The following GABRG1 variants were observed in gnomAD, a reference collection of about 807,000 sequenced individuals.
GABRG1 encodes gamma-aminobutyric acid receptor subunit gamma-1.
A neutral mutation model predicts 49.8 loss-of-function variants in GABRG1; 49 were observed. That is an observed-to-expected ratio of 0.98 (90% CI 0.78 to 1.25). The LOEUF (loss-of-function observed/expected upper bound fraction) is 1.25, where lower values mean the gene tolerates loss of function less well. Ranked by LOEUF, GABRG1 falls within the 50% of genes most tolerant of loss-of-function variation. The pLI, the probability that GABRG1 is intolerant of heterozygous loss-of-function variation, is 0.00. For synonymous variants in GABRG1, 232 were observed against 185.1 expected (o/e 1.25, Z -2.06); for missense variants, 552 against 552.3 (o/e 1.00, Z 0.01).
At chr4:46,118,501 A>G (rs1373318380) in intron 1 of GABRG1, among the ~76,000 whole-genome samples, 2 of 151,094 alleles carry the variant, frequency 1.3e-5, no homozygotes, top group African/African-American at 2.4e-5. Context: ...ACTAGAGTTT[A>G]TGTTCATTGA....
At chr4:46,042,548 C>T (rs537973222) in intron 8 of GABRG1, among the ~76,000 whole-genome samples, 1 of 151,992 alleles carries the variant, frequency 6.6e-6, no homozygotes, top group East Asian at 1.9e-4. Context: ...TTTTCCCATG[C>T]AAATGTTTGT....
intron 1 of GABRG1, among the ~76,000 whole-genome samples, chr4:46,115,087 T>A (rs930866042): frequency 1.3e-5 from 2 of 150,824 alleles, no homozygotes; most frequent in Non-Finnish European, 3.0e-5. Flanking sequence ...GTGTAACAGG[T>A]TAAAACCATT....
chr4:46,063,092 C>T lies in GABRG1; in HGVS notation c.625+1349G>A, dbSNP rs554440754. 1.1e-3 allele frequency among the ~76,000 whole-genome samples: 170 copies of T among 151,342 alleles called. 2 individuals are homozygous for T. In the South Asian group the frequency reaches 0.035, roughly 31 times the overall value. On this transcript the variant is annotated intron_variant, in intron 5 of 8. Transcript: ENST00000295452. ...CAATATCGTGAAAATGGCCATCCTG[C>T]CCAAGGTAATTTATAGATTCAATGC... is the stretch of plus-strand genomic sequence containing the variant.
intron 2 of GABRG1, among the ~76,000 whole-genome samples, chr4:46,084,546 T>C (rs531617268): frequency 2.0e-5 from 3 of 151,654 alleles, no homozygotes; most frequent in Non-Finnish European, 4.4e-5. Flanking sequence ...CAAACTTCAG[T>C]GAAAAACTTG....
Position 46,077,006 on chromosome 4 carries a change from A to T in GABRG1, c.321+6980T>A, listed in dbSNP as rs2109417970. Among the ~76,000 whole-genome samples, 3 of 151,642 alleles carry T rather than the reference A, an allele frequency of 2.0e-5. 1 individual carries two copies. In the South Asian group the frequency reaches 6.3e-4, roughly 32 times the overall value. ...CCACATGTAAAATAATTCATTACTA[A>T]ATAATATGCAACATTTAACGGATTT... On this transcript the variant is annotated intron_variant, in intron 3 of 8. Transcript: ENST00000295452.
At chr4:46,070,937 C>A (rs1719095054) in intron 3 of GABRG1, among the ~76,000 whole-genome samples, 1 of 152,068 alleles carries the variant, frequency 6.6e-6, no homozygotes, top group South Asian at 2.1e-4. Context: ...ACCTTCACAG[C>A]AACATCTGAA....
rs1433907226 is a variant in GABRG1 at position 46,039,974 on chromosome 4, T to C, written c.*1014A>G. The C allele has an allele frequency of 6.6e-6, 1 of 151,874 alleles. No homozygotes were observed. The highest frequency in any genetic ancestry group is 1.5e-5 in the Non-Finnish European group (1 of 67,836). 9.4% of individuals were successfully genotyped at this position (151,874 alleles called of 1,614,324 possible). On this transcript the variant is annotated 3_prime_UTR_variant, in exon 9 of 9. Transcript: ENST00000295452. ...CCTAAAACTGTTTTCTGCATATTAC[T>C]AGTCTAAAAACAATGCTAATAGCAC... is the stretch of plus-strand genomic sequence containing the variant.
intron 8 of GABRG1, among the ~76,000 whole-genome samples, chr4:46,046,949 C>G (rs1021913840): frequency 6.6e-5 from 10 of 152,088 alleles, no homozygotes; most frequent in African/African-American, 2.2e-4. Flanking sequence ...AAAGATTTTG[C>G]ACAACCTGGC....
chr4:46,101,757 A>C (rs1720387279), intron 1 of GABRG1, among the ~76,000 whole-genome samples: 1 of 151,746 alleles, frequency 6.6e-6, no homozygotes, highest in Admixed American at 6.6e-5. Context: ...ATGTTTAAAT[A>C]ATGATTTATT....
In GABRG1 at chr4:46,040,944, G is replaced by A; in HGVS notation, c.*44C>T. Reference sequence around the variant, plus strand: ...TTACTGAAGCACAAAAGATTCTACTGAATTTAGTCAGACTTCTTTTGATTT... The same window carrying A: ...TTACTGAAGCACAAAAGATTCTACTAAATTTAGTCAGACTTCTTTTGATTT... On this transcript the variant is annotated 3_prime_UTR_variant, in exon 9 of 9. Transcript: ENST00000295452. 3.2e-6 allele frequency: 5 copies of A among 1,559,664 alleles called. No individual in the cohort carries two copies. The highest frequency in any genetic ancestry group is 4.3e-6 in the Non-Finnish European group (5 of 1,149,640).
intron 1 of GABRG1, among the ~76,000 whole-genome samples, chr4:46,104,159 T>C (rs1269349864): frequency 6.6e-6 from 1 of 151,492 alleles, no homozygotes; most frequent in Non-Finnish European, 1.5e-5. Context: ...GAAATGATTA[T>C]GATGATTCAA....
chr4:46,047,758 T>G (rs1718059074), intron 8 of GABRG1, among the ~76,000 whole-genome samples: 1 of 152,082 alleles, frequency 6.6e-6, no homozygotes. Context: ...ATCTAATTGT[T>G]AATTCCCTCA....
chr4:46,074,756 G>A (rs1719262465), intron 3 of GABRG1, among the ~76,000 whole-genome samples: 1 of 152,048 alleles, frequency 6.6e-6, no homozygotes, highest in Non-Finnish European at 1.5e-5. Context: ...ATAACACATT[G>A]AATAAGGGAT....
intron 1 of GABRG1, among the ~76,000 whole-genome samples, chr4:46,100,482 A>T (rs891579259): frequency 1.3e-5 from 2 of 151,638 alleles, no homozygotes; most frequent in African/African-American, 4.8e-5. Flanking sequence ...AAAGTAAAAA[A>T]AAAATACTGA....
chr4:46,117,621 T>TAC (rs2109445676), intron 1 of GABRG1, among the ~76,000 whole-genome samples: 1 of 145,320 alleles, frequency 6.9e-6, no homozygotes, highest in African/African-American at 2.5e-5. Context: ...TCTATATATA[T>TAC]ATACACATAT....
intron 5 of GABRG1, among the ~76,000 whole-genome samples, chr4:46,059,437 A>T (rs1341522197): frequency 6.6e-6 from 1 of 151,508 alleles, no homozygotes; most frequent in Non-Finnish European, 1.5e-5. Context: ...TCCAGGCTGG[A>T]GTGCAGTGGC....
intron 7 of GABRG1, among the ~76,000 whole-genome samples, chr4:46,056,193 A>T (rs1718438392): frequency 6.8e-6 from 1 of 146,432 alleles, no homozygotes; most frequent in South Asian, 2.2e-4. Context: ...GTCTCCCATC[A>T]CATTTGAAAT....
At chr4:46,092,898 C>T (rs1485463038) in intron 2 of GABRG1, among the ~76,000 whole-genome samples, 1 of 151,598 alleles carries the variant, frequency 6.6e-6, no homozygotes, top group Admixed American at 6.6e-5. Flanking sequence ...GGAGAAACTC[C>T]GTCTCTACTA....
chr4:46,066,842 ATT>A, intron 3 of GABRG1, among the ~76,000 whole-genome samples: 2 of 151,166 alleles, frequency 1.3e-5, no homozygotes, highest in African/African-American at 4.9e-5. Context: ...ATACATATAT[ATT>A]ATATATATGT....
Sources: allele counts gnomAD v4.1 joint callset (sites outside exome capture counted in the v4.1 genomes callset), GRCh38; gene constraint gnomAD v4.1.1; transcripts MANE v1.5; gene names NCBI Gene and HGNC (gene_info 2026-07-23, HGNC 2026-07-21).